Variants in DOK6 observed in about 807,000 individuals in gnomAD.
DOK6 encodes the protein docking protein 6, also known as downstream of tyrosine kinase 6.
Under a neutral mutation model 44.0 loss-of-function variants are expected in DOK6, and 22 were observed. That is an observed-to-expected ratio of 0.50 (90% confidence interval 0.36 to 0.71). The LOEUF (loss-of-function observed/expected upper bound fraction) is 0.71, where lower values mean the gene tolerates loss of function less well. Among genes scored for constraint, DOK6 ranks in the 30% least tolerant of loss-of-function variants. The pLI, the probability that DOK6 is intolerant of heterozygous loss-of-function variation, is 0.00. For synonymous variants in DOK6, 166 were observed against 145.5 expected, an observed-to-expected ratio of 1.14 and a Z score of -1.01; for missense variants, 340 against 416.4, an observed-to-expected ratio of 0.82 and a Z score of 1.60.
At chr18:69,492,290 CACCTTCTTAG>C (rs1255090568) in intron 1 of DOK6, among the ~76,000 whole-genome samples, 1 of 152,120 alleles carries the variant, frequency 6.6e-6, no homozygotes, top group Admixed American at 6.5e-5. Context: ...TGTGAGATGT[CACCTTCTTAG>C]ACAGCAAAGA....
At chr18:69,789,863 A>T (rs1013470187) in intron 7 of DOK6, among the ~76,000 whole-genome samples, 4 of 152,130 alleles carry the variant, frequency 2.6e-5, no homozygotes, top group African/African-American at 9.7e-5. Context: ...TTCTGCCACT[A>T]AGCCCTCCAC....
At chr18:69,731,148 G>C (rs534588690) in intron 5 of DOK6, among the ~76,000 whole-genome samples, 1 of 152,068 alleles carries the variant, frequency 6.6e-6, no homozygotes, top group African/African-American at 2.4e-5. Flanking sequence ...AATCTCTAGA[G>C]AAAACTAACA....
intron 5 of DOK6, among the ~76,000 whole-genome samples, chr18:69,721,753 A>G (rs1468478441): frequency 6.6e-6 from 1 of 152,354 alleles, no homozygotes; most frequent in African/African-American, 2.4e-5. Context: ...TCATACATTA[A>G]TGAGAATAAA....
intron 1 of DOK6, among the ~76,000 whole-genome samples, chr18:69,487,364 G>T (rs560954252): frequency 2.6e-5 from 4 of 151,936 alleles, no homozygotes; most frequent in Non-Finnish European, 5.9e-5. Flanking sequence ...GACTGAAAAG[G>T]GGCATTTCTA....
chr18:69,637,945 C>T lies in DOK6; in HGVS notation c.289+38447C>T, dbSNP rs1034208459. ...AAGGATAGGAGATCTATATTATGCC[C>T]GTCCTCAACTATTTATTGATAACAT... On this transcript the variant is annotated intron_variant, in intron 3 of 7. Transcript: ENST00000382713. 9.2e-5 allele frequency among the ~76,000 whole-genome samples: 14 copies of T among 152,050 alleles called. 1 individual carries two copies. The highest frequency in any genetic ancestry group is 2.6e-4 in the Admixed American group (4 of 15,280).
At chr18:69,739,203 G>C in intron 6 of DOK6, 100 bp downstream of exon 6, 1 of 1,503,322 alleles carries the variant, frequency 6.7e-7, no homozygotes, top group South Asian at 1.3e-5. Flanking sequence ...CAGCGCCTGG[G>C]TGTCCACCCT....
intron 3 of DOK6, among the ~76,000 whole-genome samples, chr18:69,619,604 C>A (rs1320876186): frequency 7.2e-5 from 11 of 152,188 alleles, no homozygotes; most frequent in African/African-American, 2.7e-4. Context: ...AGAAAACAGA[C>A]AAATTCGTGG....
chr18:69,563,553 A>G (rs1356639457), intron 1 of DOK6, among the ~76,000 whole-genome samples: 2 of 151,440 alleles, frequency 1.3e-5, no homozygotes, highest in African/African-American at 2.4e-5. Context: ...TCACAAGGAC[A>G]AAAAATCAAA....
intron 1 of DOK6, among the ~76,000 whole-genome samples, chr18:69,503,778 A>T (rs1486054175): frequency 6.6e-6 from 1 of 152,000 alleles, no homozygotes; most frequent in Non-Finnish European, 1.5e-5. Context: ...TATTTGACAT[A>T]TGTGTCATTT....
intron 1 of DOK6, among the ~76,000 whole-genome samples, chr18:69,425,473 A>G (rs1332133583): frequency 1.3e-5 from 2 of 151,830 alleles, no homozygotes; most frequent in South Asian, 2.1e-4. Flanking sequence ...TTATATTTAC[A>G]TGTTCATGAA....
At chr18:69,473,201 A>G (rs960337758) in intron 1 of DOK6, among the ~76,000 whole-genome samples, 1 of 152,212 alleles carries the variant, frequency 6.6e-6, no homozygotes, top group Non-Finnish European at 1.5e-5. Flanking sequence ...CAAGTAAAAT[A>G]TAGGAATACT....
At chr18:69,473,934 G>A (rs1205033906) in intron 1 of DOK6, among the ~76,000 whole-genome samples, 3 of 151,642 alleles carry the variant, frequency 2.0e-5, no homozygotes, top group Non-Finnish European at 4.4e-5. Flanking sequence ...TATTGGAAGT[G>A]CACACCTTTC....
intron 1 of DOK6, among the ~76,000 whole-genome samples, chr18:69,477,601 G>T (rs1337119591): frequency 6.6e-6 from 1 of 152,084 alleles, no homozygotes; most frequent in East Asian, 1.9e-4. Context: ...TTGAATAGAA[G>T]CTAATGTATA....
intron 5 of DOK6, among the ~76,000 whole-genome samples, chr18:69,708,320 G>A (rs919973350): frequency 2.0e-5 from 3 of 152,148 alleles, no homozygotes; most frequent in Admixed American, 6.5e-5. Context: ...AATGACATGG[G>A]AGAATGAATC....
At chr18:69,418,681 A>G (rs147259321) in intron 1 of DOK6, among the ~76,000 whole-genome samples, 100 of 151,796 alleles carry the variant, frequency 6.6e-4, no homozygotes, top group Non-Finnish European at 1.2e-3. Context: ...TGTGTTGCCA[A>G]TGTTGGTCTT....
At chr18:69,761,260 T>C (rs1979543645) in intron 7 of DOK6, among the ~76,000 whole-genome samples, 1 of 151,284 alleles carries the variant, frequency 6.6e-6, no homozygotes, top group Non-Finnish European at 1.5e-5. Context: ...TCCTGAAATC[T>C]TACTGGGAAG....
chr18:69,635,137 T>C (rs1413686170), intron 3 of DOK6, among the ~76,000 whole-genome samples: 1 of 152,184 alleles, frequency 6.6e-6, no homozygotes, highest in African/African-American at 2.4e-5. Flanking sequence ...ATGGCTTTCC[T>C]GTTGACACCG....
intron 1 of DOK6, among the ~76,000 whole-genome samples, chr18:69,404,386 T>C (rs1013479152): frequency 3.9e-5 from 6 of 152,308 alleles, no homozygotes; most frequent in African/African-American, 1.2e-4. Flanking sequence ...GCAAGGCATA[T>C]ATAGCAAAAT....
rs548501741 is a variant in DOK6, at chr18:69,484,451, T to C, written c.67-80036T>C. Among the ~76,000 whole-genome samples, 3 of 152,280 alleles carry C rather than the reference T, an allele frequency of 2.0e-5. No homozygotes were observed. The South Asian group carries it at 6.2e-4, about 32-fold the overall frequency. On this transcript the variant is annotated intron_variant, in intron 1 of 7. Transcript: ENST00000382713. ...CACTGTCCTAAAATACTTTCAGACGTTTTCGAGTTTTGTATTTTGTATTTG... is the reference window on the plus strand; with the variant it reads ...CACTGTCCTAAAATACTTTCAGACGCTTTCGAGTTTTGTATTTTGTATTTG...
Sources: allele counts gnomAD v4.1 joint callset (sites outside exome capture counted in the v4.1 genomes callset), GRCh38; gene constraint gnomAD v4.1.1; transcripts MANE v1.5; gene names NCBI Gene and HGNC (gene_info 2026-07-23, HGNC 2026-07-21).